VSTM1: variants seen among roughly 807,000 people sequenced by gnomAD.
VSTM1 encodes the protein V-set and transmembrane domain containing 1, also known as V-set and transmembrane domain-containing protein 1.
VSTM1 carries 27 observed loss-of-function variants against 33.1 expected under a neutral mutation model. The observed-to-expected ratio is 0.82, with a 90% confidence interval of 0.60 to 1.12. The LOEUF (loss-of-function observed/expected upper bound fraction) is 1.12. VSTM1 is among the 50% of genes most tolerant of loss of function. VSTM1 has a pLI of 0.00. For synonymous variants in VSTM1, 115 were observed against 110.3 expected, an observed-to-expected ratio of 1.04 and a Z score of -0.27; for missense variants, 304 against 288.9, an observed-to-expected ratio of 1.05 and a Z score of -0.38.
chr19:54,051,714 T>A (rs1266468788), intron 3 of VSTM1, among the ~76,000 whole-genome samples: 1 of 152,172 alleles, frequency 6.6e-6, no homozygotes, highest in Admixed American at 6.5e-5. Context: ...CCAGTTTGAT[T>A]CCTTGCCAGT....
chr19:54,044,791 C>T (rs1174178507), intron 4 of VSTM1, among the ~76,000 whole-genome samples: 22 of 152,138 alleles, frequency 1.4e-4, no homozygotes, highest in African/African-American at 5.1e-4. Context: ...AAGCTCACAG[C>T]GTTGAGGAAG....
At chr19:54,042,841 T>TATATATAC (rs1555752727) in intron 4 of VSTM1, among the ~76,000 whole-genome samples, 326 of 96,166 alleles carry the variant, frequency 3.4e-3, no homozygotes, top group Non-Finnish European at 5.0e-3. Context: ...TATATATACA[T>TATATATAC]ATATATATAT....
chr19:54,051,519 T>A, intron 3 of VSTM1, 71 bp from the exon 4 acceptor site: 2 of 1,252,104 alleles, frequency 1.6e-6, no homozygotes, highest in Non-Finnish European at 2.2e-6. Context: ...AGTCCTCACG[T>A]CCTACTTATA....
rs2146018486 is a variant in VSTM1 at position 54,040,877 on chromosome 19, A to G, written c.*84T>C. 1.3e-6 allele frequency: 2 copies of G among 1,523,864 alleles called. No individual in the cohort carries two copies. Among genetic ancestry groups the G allele is most frequent in the East Asian group, 4.8e-5 (2 of 41,422 alleles). 94.4% of individuals were successfully genotyped at this position (1,523,864 alleles called of 1,614,324 possible). ...TTATTGATATGGACGAAGAGCAAGG[A>G]AACACAGTATCTGCATCTCCAGATT... On this transcript the variant is annotated 3_prime_UTR_variant, in exon 9 of 9. Coordinates refer to ENST00000338372, the MANE Select transcript of VSTM1 (RefSeq NM_198481.4).
chr19:54,042,809 T>TATATATATATATATATATATATATAC, intron 4 of VSTM1, among the ~76,000 whole-genome samples: 2 of 30,478 alleles, frequency 6.6e-5, no homozygotes, highest in Admixed American at 3.5e-4. Flanking sequence ...TAAATGTGTA[T>TATATATATATATATATATATATATAC]ATATATATAT....
At position 54,042,806 on chromosome 19, in the gene VSTM1, G is replaced by GTATATATATA. The variant is rs1203522841; in HGVS notation, c.395-447_395-438dup. ...TATATGTGTGTGTATATATAAATGT[G>GTATATATATA]TATATATATATATATATATATATAT... On this transcript the variant is annotated intron_variant, in intron 4 of 8. Coordinates refer to ENST00000338372, the MANE Select transcript of VSTM1 (RefSeq NM_198481.4). Among the ~76,000 whole-genome samples, 507 of 57,750 alleles carry GTATATATATA rather than the reference G, an allele frequency of 8.8e-3. 7 individuals are homozygous for GTATATATATA. The highest frequency in any genetic ancestry group is 0.012 in the Non-Finnish European group (366 of 31,508). 37.9% of individuals were successfully genotyped at this position (57,750 alleles called of 152,430 possible). A position where few individuals can be genotyped will look rare whatever the true frequency, so the allele number is the denominator to read the frequency against.
intron 4 of VSTM1, among the ~76,000 whole-genome samples, chr19:54,042,837 T>TATAA: frequency 1.5e-5 from 1 of 66,414 alleles, no homozygotes; most frequent in Non-Finnish European, 3.1e-5. Context: ...TATATATATA[T>TATAA]ACATATATAT....
At chr19:54,062,851 A>AC (rs2071463098) in intron 1 of VSTM1, among the ~76,000 whole-genome samples, 1 of 151,686 alleles carries the variant, frequency 6.6e-6, no homozygotes, top group Non-Finnish European at 1.5e-5. Flanking sequence ...TGTCCACCGC[A>AC]CCCCCCGTGC....
chr19:54,044,244 AG>A (rs1259321981), intron 4 of VSTM1, among the ~76,000 whole-genome samples: 3 of 152,164 alleles, frequency 2.0e-5, no homozygotes, highest in Non-Finnish European at 2.9e-5. Flanking sequence ...TAATAAGAAC[AG>A]GGTTAGAGCA....
intron 6 of VSTM1, 57 bp downstream of exon 6, chr19:54,042,112 G>C (rs2070312126): frequency 6.3e-7 from 1 of 1,597,980 alleles, no homozygotes; most frequent in Admixed American, 1.7e-5. Context: ...TGTGCCAATG[G>C]GTTCCCTTGA....
chr19:54,052,140 T>A (rs4806490), intron 3 of VSTM1, among the ~76,000 whole-genome samples: 8 of 151,862 alleles, frequency 5.3e-5, no homozygotes, highest in Non-Finnish European at 1.2e-4. Flanking sequence ...GGCTCACGCC[T>A]GTAATCCCAG....
In VSTM1 at chr19:54,063,757, G is replaced by C. The variant is rs376235740; in HGVS notation, c.21C>G (p.Ser7=). ...CTGGAGACTCACCGAGGCAAAGCAG[G>C]GAGAGGAATTCTGCGGTCATAGCGT... MTAEFL[S]LLCLGLCLGY... The change falls in exon 1 of 9, where the codon TCC becomes TCG. Residue 7 remains serine (S), a synonymous_variant. Transcript: ENST00000338372. 3 of 1,613,878 alleles carry C rather than the reference G, an allele frequency of 1.9e-6. No homozygotes were observed. In the African/African-American group the frequency reaches 4.0e-5, roughly 22 times the overall value.
At chr19:54,046,603 A>T (rs2070604587) in intron 4 of VSTM1, among the ~76,000 whole-genome samples, 1 of 151,770 alleles carries the variant, frequency 6.6e-6, no homozygotes, top group Admixed American at 6.6e-5. Flanking sequence ...TGTTCCCCAG[A>T]TCCCTTTCCC....
At position 54,042,186 on chromosome 19, in the gene VSTM1, AG is replaced by A. The variant is rs1358280503; in HGVS notation, c.497del (p.Ser166LeufsTer39). 1.2e-6 allele frequency: 2 copies of A among 1,613,976 alleles called. No homozygotes were observed. On this transcript the variant is annotated frameshift_variant, in exon 6 of 9. Transcript: ENST00000338372. LOFTEE classifies it high-confidence loss of function. ...IYRCSQHSSS[S>X]EESTKRTSHS... is the part of the protein sequence containing the mutation. ...GCATCTACCTCTTGGTGGATTCCTC[AG>A]ATGATGAACCTACAAAAAATGCAGG...
At position 54,058,461 on chromosome 19, in the gene VSTM1, C is replaced by A; in HGVS notation, c.200G>T (p.Gly67Val). Reference protein sequence around the residue: ...TFVLRKVNDSGYKQEQSSAEN... With the variant: ...TFVLRKVNDSVYKQEQSSAEN... ...TGCCGAGCTCTGTTCCTGCTTGTAC[C>A]CAGAGTCGTTCACCTTGCGCAGCAC... Residue 67 changes from glycine to valine, a missense_variant, in exon 3 of 9, where the codon GGG becomes GTG. Transcript: ENST00000338372. 1.2e-6 allele frequency: 2 copies of A among 1,613,980 alleles called. No individual in the cohort carries two copies. The highest frequency in any genetic ancestry group is 1.7e-6 in the Non-Finnish European group (2 of 1,180,010).
In VSTM1 at chr19:54,042,806, G is replaced by GTGTATA. The variant is rs1213654028; in HGVS notation, c.395-438_395-437insTATACA. 1.2e-4 allele frequency among the ~76,000 whole-genome samples: 7 copies of GTGTATA among 57,946 alleles called. No individual in the cohort carries two copies. The South Asian group carries it at 2.4e-3, about 20-fold the overall frequency. 38.0% of individuals were successfully genotyped at this position (57,946 alleles called of 152,430 possible). On this transcript the variant is annotated intron_variant, in intron 4 of 8. Coordinates refer to ENST00000338372, the MANE Select transcript of VSTM1 (RefSeq NM_198481.4). ...TATATGTGTGTGTATATATAAATGT[G>GTGTATA]TATATATATATATATATATATATAT...
Position 54,041,131 on chromosome 19 carries a change from A to G in VSTM1, c.592-51T>C, listed in dbSNP as rs544930365. 4.7e-6 allele frequency: 7 copies of G among 1,485,184 alleles called. No homozygotes were observed. The East Asian group carries it at 1.6e-4, about 34-fold the overall frequency. The allele number at this position is 1,485,184 out of a possible 1,614,324, so 92.0% of individuals were successfully genotyped here. On this transcript the variant is annotated intron_variant, in intron 8 of 8. Coordinates refer to ENST00000338372, the MANE Select transcript of VSTM1 (RefSeq NM_198481.4). ...GAACTGAGTGTTCAATATGGCAGCC[A>G]CTAGCCACACATGGCTATTGACATT...
rs777829181 is a variant in VSTM1, at chr19:54,051,423, G to A, written c.381C>T (p.Pro127=). The change falls in exon 4 of 9, where the codon CCC becomes CCT. Residue 127 remains proline, a synonymous_variant. Transcript: ENST00000338372. ...TAATTATCTTACCTGTTTTCATTGA[G>A]GGAGCTTCAAGTTCATCGTGTTTAT... The part of the protein sequence containing the change: ...VTDKHDELEA[P]SMKTDTRTIF... The A allele has an allele frequency of 2.5e-6, 4 of 1,597,136 alleles. No homozygotes were observed. The highest frequency in any genetic ancestry group is 2.6e-6 in the Non-Finnish European group (3 of 1,175,038).
rs184475219 is a variant in VSTM1, at chr19:54,058,116, T to G, written c.355+190A>C. On this transcript the variant is annotated intron_variant, in intron 3 of 8. Transcript: ENST00000338372. The stretch of plus-strand genomic sequence containing the variant: ...TTAGCTGGGCGTGGTGGCGGGCGCC[T>G]GTAGTCCCAGCTACTCGGGAGGCTG... Among the ~76,000 whole-genome samples, 1,022 of 151,184 alleles carry G rather than the reference T, an allele frequency of 6.8e-3. 13 individuals are homozygous for G. The highest frequency in any genetic ancestry group is 0.024 in the African/African-American group (984 of 41,202).
Sources: allele counts gnomAD v4.1 joint callset (sites outside exome capture counted in the v4.1 genomes callset), GRCh38; gene constraint gnomAD v4.1.1; transcripts MANE v1.5; gene names NCBI Gene and HGNC (gene_info 2026-07-23, HGNC 2026-07-21).